Variants in ROBO1 observed in about 807,000 individuals in gnomAD.
ROBO1 encodes the protein roundabout guidance receptor 1, also known as roundabout homolog 1.
In ROBO1, 149 loss-of-function variants were observed where a neutral mutation model predicts 195.9. That is an observed-to-expected ratio of 0.76 (90% CI 0.67 to 0.87). The LOEUF is 0.87. Ranked by LOEUF, ROBO1 falls within the 40% of genes least tolerant of loss-of-function variation. The probability of loss-of-function intolerance (pLI) is 0.00; values close to 1 mark genes in which losing one functional copy is unlikely to be tolerated. For synonymous variants in ROBO1, 816 were observed against 733.2 expected, an observed-to-expected ratio of 1.11 and a Z score of -1.82; for missense variants, 1,933 against 2,068.3, an observed-to-expected ratio of 0.93 and a Z score of 1.27.
intron 3 of ROBO1, among the ~76,000 whole-genome samples, chr3:79,023,338 A>C (rs2108280547): frequency 6.6e-6 from 1 of 152,318 alleles, no homozygotes; most frequent in Non-Finnish European, 1.5e-5. Flanking sequence ...TATTTTCCTA[A>C]GTTTGGATAT....
At chr3:79,507,385 C>T (rs966076722) in intron 2 of ROBO1, among the ~76,000 whole-genome samples, 3 of 152,136 alleles carry the variant, frequency 2.0e-5, no homozygotes. Flanking sequence ...TGACTTTCCT[C>T]TCTATTGAAA....
At chr3:79,588,724 T>C (rs1221488826) in intron 2 of ROBO1, among the ~76,000 whole-genome samples, 5 of 151,760 alleles carry the variant, frequency 3.3e-5, no homozygotes. Flanking sequence ...AAAATAAGAA[T>C]ACGTAGTAAT....
chr3:79,439,359 C>A (rs1170090843), intron 2 of ROBO1, among the ~76,000 whole-genome samples: 2 of 152,030 alleles, frequency 1.3e-5, no homozygotes, highest in Non-Finnish European at 2.9e-5. Flanking sequence ...GCCTTTTGTG[C>A]AGAATCTAGT....
chr3:78,677,265 C>T (rs1479386053), intron 10 of ROBO1, among the ~76,000 whole-genome samples: 1 of 152,178 alleles, frequency 6.6e-6, no homozygotes. Flanking sequence ...ACTGCATCAA[C>T]CAATGAGCAA....
chr3:79,516,244 A>C (rs2107559423), intron 2 of ROBO1, among the ~76,000 whole-genome samples: 1 of 152,308 alleles, frequency 6.6e-6, no homozygotes, highest in Non-Finnish European at 1.5e-5. Context: ...AAGATAACAT[A>C]AGTTCTACTT....
chr3:78,878,389 C>A (rs112094979), intron 4 of ROBO1, among the ~76,000 whole-genome samples: 19 of 151,916 alleles, frequency 1.3e-4, no homozygotes, highest in African/African-American at 4.6e-4. Flanking sequence ...AGTTTGAGAC[C>A]AGCCTGGCCA....
intron 8 of ROBO1, among the ~76,000 whole-genome samples, chr3:78,696,125 G>GAAAAA: frequency 9.2e-6 from 1 of 108,710 alleles, no homozygotes; most frequent in Non-Finnish European, 2.0e-5. Context: ...GAAAGAATCA[G>GAAAAA]AAAAAAAAAA....
intron 4 of ROBO1, among the ~76,000 whole-genome samples, chr3:78,748,776 G>A (rs2108294012): frequency 6.6e-6 from 1 of 151,260 alleles, no homozygotes; most frequent in South Asian, 2.1e-4. Context: ...AAGACAACTT[G>A]GGCACGGCAT....
chr3:79,164,420 CAT>C (rs2081027191), intron 2 of ROBO1, among the ~76,000 whole-genome samples: 1 of 152,130 alleles, frequency 6.6e-6, no homozygotes, highest in Non-Finnish European at 1.5e-5. Context: ...GTCAAATAAT[CAT>C]ATGATGAAAA....
At chr3:79,555,063 A>G (rs574886412) in intron 2 of ROBO1, among the ~76,000 whole-genome samples, 1 of 152,234 alleles carries the variant, frequency 6.6e-6, no homozygotes, top group South Asian at 2.1e-4. Context: ...GGGAAAAGAA[A>G]ATGAAAACAC....
chr3:79,491,770 G>A (rs925312072), intron 2 of ROBO1, among the ~76,000 whole-genome samples: 3 of 148,836 alleles, frequency 2.0e-5, no homozygotes, highest in Non-Finnish European at 4.4e-5. Flanking sequence ...CTTAGAAAAT[G>A]ATTTAATCTG....
At chr3:79,021,841 T>A (rs1316578831) in intron 3 of ROBO1, among the ~76,000 whole-genome samples, 1 of 152,068 alleles carries the variant, frequency 6.6e-6, no homozygotes, top group African/African-American at 2.4e-5. Flanking sequence ...TTTGTATTTT[T>A]AGTAGAGACG....
At chr3:78,729,036 C>T (rs544999553) in intron 5 of ROBO1, among the ~76,000 whole-genome samples, 202 of 152,334 alleles carry the variant, frequency 1.3e-3, no homozygotes, top group African/African-American at 4.7e-3. Flanking sequence ...TGGCTCTTTG[C>T]ACAGCTTGGT....
intron 4 of ROBO1, among the ~76,000 whole-genome samples, chr3:78,908,926 C>T (rs1025041332): frequency 5.9e-5 from 9 of 151,744 alleles, no homozygotes; most frequent in Non-Finnish European, 1.2e-4. Flanking sequence ...TGTAAAAATT[C>T]TGTTTTAAAG....
Position 78,628,854 on chromosome 3 carries a change from A to G in ROBO1, c.3627-1285T>C, listed in dbSNP as rs141489287. Among the ~76,000 whole-genome samples, 594 of 152,050 alleles carry G rather than the reference A, an allele frequency of 3.9e-3. 6 individuals carry two copies. The highest frequency in any genetic ancestry group is 0.013 in the African/African-American group (546 of 41,514). ...TATTCTGTCAATAAAAACTCTCTAGAATCTATTCTCTAATTTTTATTTCTT... is the reference window on the plus strand; with the variant it reads ...TATTCTGTCAATAAAAACTCTCTAGGATCTATTCTCTAATTTTTATTTCTT... On this transcript the variant is annotated intron_variant, in intron 25 of 30. Transcript: ENST00000464233.
rs1299760453 is a variant in ROBO1 at position 78,668,322 on chromosome 3, C to T, written c.1631-20G>A. ...CAAATTCTAAAAAGCAGGAAAAAGG[C>T]CAAAATAAAAGATGTTTACACATAC... On this transcript the variant is annotated intron_variant, in intron 12 of 30. Coordinates refer to ENST00000464233, the MANE Select transcript of ROBO1 (RefSeq NM_002941.4). 1.2e-6 allele frequency: 2 copies of T among 1,611,194 alleles called. No individual in the cohort carries two copies. The highest frequency in any genetic ancestry group is 1.7e-6 in the Non-Finnish European group (2 of 1,178,710).
chr3:78,668,183 T>G lies in ROBO1; in HGVS notation c.1750A>C (p.Asn584His). ...GTTGGAGTTGCTCCTGAATTCAAAT[T>G]TGGTTGCCACGATAATGTGACTGTA... ...RNTVTLSWQPNLNSGATPTSY... is the reference protein window; with the variant it reads ...RNTVTLSWQPHLNSGATPTSY... Residue 584 changes from asparagine to histidine, a missense_variant, in exon 13 of 31, where the codon AAT (asparagine) becomes CAT (histidine). Coordinates refer to ENST00000464233, the MANE Select transcript of ROBO1 (RefSeq NM_002941.4). 1 of 1,613,482 alleles carries G rather than the reference T, an allele frequency of 6.2e-7. No individual in the cohort carries two copies. The highest frequency in any genetic ancestry group is 8.5e-7 in the Non-Finnish European group (1 of 1,179,512).
intron 10 of ROBO1, among the ~76,000 whole-genome samples, chr3:78,678,869 C>G (rs2080809213): frequency 1.3e-5 from 2 of 151,948 alleles, no homozygotes; most frequent in African/African-American, 4.8e-5. Context: ...AGAGACACAA[C>G]CAAAAAAGAG....
intron 1 of ROBO1, among the ~76,000 whole-genome samples, chr3:79,700,372 T>A (rs185572239): frequency 6.6e-6 from 1 of 150,554 alleles, no homozygotes; most frequent in Non-Finnish European, 1.5e-5. Flanking sequence ...CAATTTATTT[T>A]CTTTTGGATA....
Sources: allele counts gnomAD v4.1 joint callset (sites outside exome capture counted in the v4.1 genomes callset), GRCh38; gene constraint gnomAD v4.1.1; transcripts MANE v1.5; gene names NCBI Gene and HGNC (gene_info 2026-07-23, HGNC 2026-07-21).